CCSER1: variants seen among roughly 807,000 people sequenced by gnomAD.
CCSER1 encodes the protein coiled-coil serine rich protein 1, also known as serine-rich coiled-coil domain-containing protein 1.
CCSER1 carries 41 observed loss-of-function variants against 82.0 expected under a neutral mutation model. The observed-to-expected ratio is 0.50, with a 90% CI of 0.39 to 0.65. The LOEUF (loss-of-function observed/expected upper bound fraction) is 0.65. Ranked by LOEUF, CCSER1 falls within the 30% of genes least tolerant of loss-of-function variation. CCSER1 has a pLI of 0.00. For synonymous variants in CCSER1, 414 were observed against 383.9 expected, an observed-to-expected ratio of 1.08 and a Z score of -0.92; for missense variants, 1,119 against 1,064.2, an observed-to-expected ratio of 1.05 and a Z score of -0.72.
intron 6 of CCSER1, among the ~76,000 whole-genome samples, chr4:90,664,245 A>C (rs888510581): frequency 2.0e-5 from 3 of 152,170 alleles, no homozygotes; most frequent in Admixed American, 6.5e-5. Context: ...TTGACTTCTC[A>C]TTTCATTACA....
intron 8 of CCSER1, among the ~76,000 whole-genome samples, chr4:90,851,458 G>C (rs1293714962): frequency 1.3e-5 from 2 of 150,692 alleles, no homozygotes; most frequent in Non-Finnish European, 3.0e-5. Context: ...GAAGTACATG[G>C]GGAGGGGTGG....
chr4:90,325,326 G>A (rs1283568420), intron 3 of CCSER1, among the ~76,000 whole-genome samples: 1 of 152,134 alleles, frequency 6.6e-6, no homozygotes. Flanking sequence ...TAAAAGGACA[G>A]CAGTAAATGA....
chr4:91,079,912 T>A (rs1275145585), intron 9 of CCSER1, among the ~76,000 whole-genome samples: 1 of 152,142 alleles, frequency 6.6e-6, no homozygotes, highest in Non-Finnish European at 1.5e-5. Flanking sequence ...CCCAGATTCA[T>A]GAAGCAAGCC....
At chr4:90,960,170 T>G (rs1733921617) in intron 9 of CCSER1, among the ~76,000 whole-genome samples, 1 of 151,928 alleles carries the variant, frequency 6.6e-6, no homozygotes, top group Admixed American at 6.6e-5. Context: ...TTTTCATTAA[T>G]CATTCATTTT....
intron 1 of CCSER1, among the ~76,000 whole-genome samples, chr4:90,203,897 G>A (rs545725495): frequency 6.6e-6 from 1 of 152,296 alleles, no homozygotes; most frequent in African/African-American, 2.4e-5. Context: ...ACTGGCACGA[G>A]ATGGTATCTC....
At chr4:90,312,717 T>G in intron 2 of CCSER1, 146 bp from the exon 3 acceptor site, 2 of 657,664 alleles carry the variant, frequency 3.0e-6, no homozygotes, top group African/African-American at 1.8e-5. Flanking sequence ...TTAAGTGAAC[T>G]AAACTGATGC....
At chr4:91,490,179 T>G (rs1425420216) in intron 10 of CCSER1, among the ~76,000 whole-genome samples, 3 of 152,146 alleles carry the variant, frequency 2.0e-5, no homozygotes, top group Admixed American at 6.5e-5. Context: ...GAGAACAGTG[T>G]GAAGCTTCCT....
chr4:91,028,586 G>T (rs946949580), intron 9 of CCSER1, among the ~76,000 whole-genome samples: 3 of 151,854 alleles, frequency 2.0e-5, no homozygotes, highest in Non-Finnish European at 2.9e-5. Context: ...ATGAAATAGA[G>T]CATGACATAA....
At chr4:91,442,441 G>C (rs199554550) in intron 10 of CCSER1, among the ~76,000 whole-genome samples, 104,108 of 138,792 alleles carry the variant, frequency 0.75, 39,538 homozygotes, top group East Asian at 0.91. Flanking sequence ...GAAACTGGAT[G>C]CCTTCCTTAC....
intron 9 of CCSER1, among the ~76,000 whole-genome samples, chr4:91,085,446 G>T (rs1419099367): frequency 6.6e-6 from 1 of 152,038 alleles, no homozygotes; most frequent in Admixed American, 6.6e-5. Flanking sequence ...CTTTTATATT[G>T]TGGAGATCAG....
At chr4:90,735,442 C>T (rs981562524) in intron 7 of CCSER1, among the ~76,000 whole-genome samples, 6 of 152,122 alleles carry the variant, frequency 3.9e-5, no homozygotes, top group African/African-American at 1.4e-4. Flanking sequence ...AGTGAAGCCA[C>T]TGGGTCCTGG....
chr4:90,235,756 T>C (rs1222918324), intron 1 of CCSER1, among the ~76,000 whole-genome samples: 1 of 152,054 alleles, frequency 6.6e-6, no homozygotes, highest in African/African-American at 2.4e-5. Flanking sequence ...TGAAGCTCTG[T>C]CAATAATTCA....
At chr4:91,438,577 T>A (rs992151457) in intron 10 of CCSER1, among the ~76,000 whole-genome samples, 3 of 152,000 alleles carry the variant, frequency 2.0e-5, no homozygotes, top group African/African-American at 7.3e-5. Flanking sequence ...GCAGAGCGCC[T>A]CTCCTCCTCC....
At chr4:91,322,053 C>T (rs1746234387) in intron 10 of CCSER1, among the ~76,000 whole-genome samples, 2 of 151,788 alleles carry the variant, frequency 1.3e-5, no homozygotes, top group Admixed American at 1.3e-4. Context: ...GAATGAATAT[C>T]GGATGAATGA....
intron 5 of CCSER1, among the ~76,000 whole-genome samples, chr4:90,566,433 A>T (rs1779388521): frequency 1.4e-5 from 1 of 72,344 alleles, no homozygotes; most frequent in African/African-American, 4.8e-5. Flanking sequence ...TCTGTAAATT[A>T]AAAAAAAAAA....
At chr4:90,875,652 T>A (rs28595440) in intron 8 of CCSER1, among the ~76,000 whole-genome samples, 8,188 of 152,272 alleles carry the variant, frequency 0.054, 288 homozygotes, top group Admixed American at 0.11. Context: ...CCCTAAGGTA[T>A]TATATAGTTG....
At chr4:90,812,740 C>A (rs1758512942) in intron 7 of CCSER1, among the ~76,000 whole-genome samples, 1 of 151,926 alleles carries the variant, frequency 6.6e-6, no homozygotes, top group South Asian at 2.1e-4. Flanking sequence ...AAAATCATGG[C>A]GGAAGGCTGA....
chr4:91,495,905 T>G (rs1245536755), intron 10 of CCSER1, among the ~76,000 whole-genome samples: 2 of 151,642 alleles, frequency 1.3e-5, no homozygotes, highest in African/African-American at 4.8e-5. Context: ...GGTTTATGCA[T>G]GATAACGTTT....
At chr4:91,527,245 T>C (rs1379897471) in intron 10 of CCSER1, among the ~76,000 whole-genome samples, 1 of 152,164 alleles carries the variant, frequency 6.6e-6, no homozygotes, top group Non-Finnish European at 1.5e-5. Context: ...GTAAGGGAAA[T>C]ATATTGAACA....
Sources: gnomAD v4.1 joint callset for allele counts (sites outside exome capture counted in the v4.1 genomes callset) on GRCh38, gnomAD v4.1.1 for gene constraint, MANE v1.5 for transcripts, NCBI Gene and HGNC (gene_info 2026-07-23, HGNC 2026-07-21) for gene names.